Variants in SIRPG observed in about 807,000 individuals in gnomAD.
SIRPG encodes the protein signal regulatory protein gamma.
SIRPG carries 38 observed loss-of-function variants against 35.7 expected under a neutral mutation model. That is an observed-to-expected ratio of 1.06 (90% CI 0.82 to 1.40). The LOEUF (loss-of-function observed/expected upper bound fraction) is 1.40. SIRPG is among the 40% of genes most tolerant of loss of function. SIRPG has a pLI of 0.00. For synonymous variants in SIRPG, 215 were observed against 190.4 expected (o/e 1.13, Z -1.06); for missense variants, 519 against 483.0 (o/e 1.07, Z -0.70).
intron 2 of SIRPG, chr20:1,647,443 C>T (rs1309546185): frequency 6.6e-6 from 1 of 152,204 alleles, no homozygotes; most frequent in Non-Finnish European, 1.5e-5. Flanking sequence ...ACTTCCACAT[C>T]TATGTTCAAG....
rs776548564 is a variant in SIRPG, at chr20:1,636,291, C to T, written c.645G>A (p.Leu215=). ...CCTGAGAGCGAACGTCCCAGGGGTC[C>T]AGTACCACCCTGGCTGTGCTGCGGA... The part of the protein sequence containing the change: ...YSIRSTARVV[L]DPWDVRSQVI... The change falls in exon 3 of 6, where the codon CTG becomes CTA. Residue 215 remains leucine, a synonymous_variant. Transcript: ENST00000303415. The T allele has an allele frequency of 8.1e-6, 13 of 1,614,102 alleles. No individual in the cohort carries two copies. Among genetic ancestry groups the T allele is most frequent in the Middle Eastern group, 1.6e-4 (1 of 6,084 alleles).
chr20:1,657,600 A>G, intron 1 of SIRPG, 42 bp downstream of exon 1: 1 of 1,595,524 alleles, frequency 6.3e-7, no homozygotes, highest in Non-Finnish European at 8.6e-7. Context: ...GGCTAGGTCC[A>G]GGAAGCAGGG....
At chr20:1,683,125 T>A in the SIRPG span, among the ~76,000 whole-genome samples, 1 of 152,156 alleles carries the variant, frequency 6.6e-6, no homozygotes, top group Non-Finnish European at 1.5e-5. Flanking sequence ...GACATTAAAA[T>A]GGCCAGCAGG....
chr20:1,646,802 C>T (rs1212719601), intron 2 of SIRPG: 2 of 152,240 alleles, frequency 1.3e-5, no homozygotes, highest in Admixed American at 1.3e-4. Flanking sequence ...CATGCGCCAC[C>T]ATGCCTGGCT....
intron 3 of SIRPG, among the ~76,000 whole-genome samples, chr20:1,635,932 G>T (rs377534692): frequency 6.6e-6 from 1 of 152,136 alleles, no homozygotes; most frequent in Non-Finnish European, 1.5e-5. Flanking sequence ...CTCATAGTAG[G>T]TACTCACTAA....
chr20:1,683,305 A>G, the SIRPG span, among the ~76,000 whole-genome samples: 1 of 152,230 alleles, frequency 6.6e-6, no homozygotes, highest in African/African-American at 2.4e-5. Context: ...GTGAGAATGT[A>G]AATTAGTACA....
At chr20:1,679,212 G>C in the SIRPG span, among the ~76,000 whole-genome samples, 1 of 152,118 alleles carries the variant, frequency 6.6e-6, no homozygotes, top group Non-Finnish European at 1.5e-5. Flanking sequence ...GAGTGCTTTG[G>C]GTGGAAATGA....
chr20:1,681,418 ATGTG>A, the SIRPG span, among the ~76,000 whole-genome samples: 1 of 151,960 alleles, frequency 6.6e-6, no homozygotes, highest in East Asian at 1.9e-4. Context: ...TTCCTTATCT[ATGTG>A]TGTGTGTGGT....
chr20:1,681,523 T>C, the SIRPG span, among the ~76,000 whole-genome samples: 2 of 152,090 alleles, frequency 1.3e-5, no homozygotes, highest in Non-Finnish European at 2.9e-5. Context: ...GTCTGCCACA[T>C]GGAGGGTGTT....
intron 1 of SIRPG, 44 bp from the exon 2 acceptor site, chr20:1,649,452 T>A (rs1381981544): frequency 7.3e-6 from 11 of 1,499,482 alleles, no homozygotes; most frequent in Non-Finnish European, 9.9e-6. Context: ...CCTTACATAA[T>A]CCTGTATTTC....
At chr20:1,647,614 G>A (rs2091907422) in intron 2 of SIRPG, 1 of 152,248 alleles carries the variant, frequency 6.6e-6, no homozygotes, top group African/African-American at 2.4e-5. Flanking sequence ...CTGCAGGATT[G>A]TTAGTAGCTC....
chr20:1,630,468 A>T, intron 4 of SIRPG, 162 bp from the exon 5 acceptor site: 2 of 595,114 alleles, frequency 3.4e-6, no homozygotes, highest in Non-Finnish European at 2.9e-6. Context: ...GGCAGAAGCC[A>T]CAGAAAGAGG....
chr20:1,658,358 G>T (rs765160646), upstream of SIRPG, among the ~76,000 whole-genome samples: 1 of 152,194 alleles, frequency 6.6e-6, no homozygotes, highest in Non-Finnish European at 1.5e-5. Flanking sequence ...GAGAGAAACT[G>T]GGTTTGAGGT....
At chr20:1,665,055 C>T in the SIRPG span, among the ~76,000 whole-genome samples, 4 of 152,182 alleles carry the variant, frequency 2.6e-5, no homozygotes, top group Non-Finnish European at 5.9e-5. Context: ...ACCGTGGACA[C>T]CTTTGAACAG....
At chr20:1,633,275 T>C (rs1600192350) in intron 4 of SIRPG, among the ~76,000 whole-genome samples, 1 of 152,174 alleles carries the variant, frequency 6.6e-6, no homozygotes, top group South Asian at 2.1e-4. Context: ...CCAAAAATTC[T>C]TGAGGCCCAA....
upstream of SIRPG, among the ~76,000 whole-genome samples, chr20:1,661,120 T>C (rs1005416324): frequency 1.3e-5 from 2 of 152,192 alleles, no homozygotes; most frequent in Non-Finnish European, 2.9e-5. Context: ...TTAGATATTA[T>C]CGTTATTAGG....
At chr20:1,643,986 C>T (rs61266160) in intron 2 of SIRPG, among the ~76,000 whole-genome samples, 21,949 of 152,138 alleles carry the variant, frequency 0.14, 1,791 homozygotes, top group Non-Finnish European at 0.16. Context: ...GATCTAATGC[C>T]AGTAGGAGCA....
the SIRPG span, among the ~76,000 whole-genome samples, chr20:1,664,350 G>A: frequency 3.9e-3 from 599 of 152,254 alleles, 4 homozygotes; most frequent in African/African-American, 0.012. Flanking sequence ...GGGTTCATTT[G>A]TATTCAAGAG....
At chr20:1,685,431 A>G in the SIRPG span, among the ~76,000 whole-genome samples, 2 of 152,166 alleles carry the variant, frequency 1.3e-5, no homozygotes, top group African/African-American at 4.8e-5. Flanking sequence ...AGATGAGGAC[A>G]CAGACACACA....
Sources: gnomAD v4.1 joint callset for allele counts (sites outside exome capture counted in the v4.1 genomes callset) on GRCh38, gnomAD v4.1.1 for gene constraint, MANE v1.5 for transcripts, NCBI Gene and HGNC (gene_info 2026-07-23, HGNC 2026-07-21) for gene names.